PTPRD: variants seen among roughly 807,000 people sequenced by gnomAD.
PTPRD encodes protein tyrosine phosphatase receptor type D.
PTPRD carries 34 observed loss-of-function variants against 214.5 expected under a neutral mutation model. The observed-to-expected ratio is 0.16, with a 90% CI of 0.12 to 0.21. PTPRD has a LOEUF of 0.21. PTPRD is among the 10% of genes least tolerant of loss of function. The probability of loss-of-function intolerance (pLI) is 1.00; values close to 1 mark genes in which losing one functional copy is unlikely to be tolerated. For missense variants in PTPRD, 2,545 were observed against 2,398.7 expected (o/e 1.06, Z -1.27); for synonymous variants, 1,128 against 845.7 (o/e 1.33, Z -5.79).
chr9:9,871,945 GACAA>G (rs968509970), intron 5 of PTPRD, among the ~76,000 whole-genome samples: 1 of 147,738 alleles, frequency 6.8e-6, no homozygotes, highest in Non-Finnish European at 1.5e-5. Context: ...ACAATTGCCA[GACAA>G]ACAACTAAAC....
intron 10 of PTPRD, among the ~76,000 whole-genome samples, chr9:9,165,655 A>T (rs540580861): frequency 1.1e-4 from 16 of 152,162 alleles, no homozygotes; most frequent in South Asian, 2.1e-4. Flanking sequence ...GTCAACTATG[A>T]CTCTGTACAT....
intron 16 of PTPRD, 108 bp downstream of exon 16, chr9:8,527,237 C>A: frequency 2.5e-6 from 3 of 1,196,914 alleles, no homozygotes; most frequent in Non-Finnish European, 2.4e-6. Flanking sequence ...CTGGTGTCTA[C>A]ACTGACAGTT....
chr9:10,486,854 T>G (rs34941620), intron 2 of PTPRD, among the ~76,000 whole-genome samples: 21,371 of 152,162 alleles, frequency 0.14, 1,988 homozygotes, highest in Non-Finnish European at 0.21. Flanking sequence ...TTGATGTTTC[T>G]TCATTGATTT....
intron 6 of PTPRD, among the ~76,000 whole-genome samples, chr9:9,762,370 C>T (rs1380188134): frequency 6.6e-6 from 1 of 152,190 alleles, no homozygotes; most frequent in Non-Finnish European, 1.5e-5. Flanking sequence ...TCTTGGTGTT[C>T]TCTTCAGAGT....
At chr9:8,523,122 G>A (rs1409287367) in intron 19 of PTPRD, among the ~76,000 whole-genome samples, 1 of 152,108 alleles carries the variant, frequency 6.6e-6, no homozygotes, top group Non-Finnish European at 1.5e-5. Flanking sequence ...AAATGGAGGA[G>A]AGTTTAGTCT....
chr9:9,034,217 A>T (rs901059446), intron 10 of PTPRD, among the ~76,000 whole-genome samples: 31 of 152,260 alleles, frequency 2.0e-4, no homozygotes, highest in African/African-American at 7.2e-4. Context: ...AGTAGAATAT[A>T]GGTGAATCCT....
intron 9 of PTPRD, among the ~76,000 whole-genome samples, chr9:9,362,375 T>G (rs1049214610): frequency 1.3e-5 from 2 of 151,132 alleles, no homozygotes; most frequent in African/African-American, 4.8e-5. Context: ...CCTCATACTT[T>G]GTTAAGGGAA....
intron 3 of PTPRD, among the ~76,000 whole-genome samples, chr9:10,256,420 G>A (rs1216317151): frequency 1.3e-5 from 2 of 149,900 alleles, no homozygotes; most frequent in African/African-American, 5.0e-5. Context: ...ATAAGTAGGA[G>A]TACACTCTAA....
At chr9:8,376,163 G>A (rs1432937501) in intron 38 of PTPRD, 73 bp from the exon 39 acceptor site, 2 of 1,545,176 alleles carry the variant, frequency 1.3e-6, no homozygotes, top group Non-Finnish European at 1.8e-6. Context: ...ACAGGGAAGA[G>A]GTAATGCTAA....
chr9:8,478,926 G>C (rs1201453982), intron 30 of PTPRD, among the ~76,000 whole-genome samples: 1 of 152,160 alleles, frequency 6.6e-6, no homozygotes, highest in Non-Finnish European at 1.5e-5. Flanking sequence ...TGTTGGTCAA[G>C]AAAACAGGTG....
chr9:10,221,018 C>T (rs765905453), intron 3 of PTPRD, among the ~76,000 whole-genome samples: 29 of 151,822 alleles, frequency 1.9e-4, no homozygotes, highest in Non-Finnish European at 1.6e-4. Flanking sequence ...GAAGAATCCC[C>T]CGAGGAAGAA....
At chr9:8,428,970 C>T (rs534491713) in intron 35 of PTPRD, among the ~76,000 whole-genome samples, 3 of 152,138 alleles carry the variant, frequency 2.0e-5, no homozygotes, top group Non-Finnish European at 2.9e-5. Flanking sequence ...AGATGACAGA[C>T]AATTTTTGTC....
At chr9:8,848,481 G>A (rs1017346922) in intron 11 of PTPRD, among the ~76,000 whole-genome samples, 9 of 147,948 alleles carry the variant, frequency 6.1e-5, no homozygotes, top group Non-Finnish European at 1.2e-4. Flanking sequence ...GACCACAAGT[G>A]CACACCACCG....
chr9:10,576,546 A>G (rs2069414297), intron 2 of PTPRD, among the ~76,000 whole-genome samples: 2 of 152,148 alleles, frequency 1.3e-5, no homozygotes. Flanking sequence ...AAGACATTAG[A>G]GCATGGCGGA....
At chr9:10,117,347 A>G (rs1186677648) in intron 3 of PTPRD, among the ~76,000 whole-genome samples, 2 of 152,120 alleles carry the variant, frequency 1.3e-5, no homozygotes, top group African/African-American at 4.8e-5. Flanking sequence ...GAAAGTGTCT[A>G]TGGACAATGT....
intron 43 of PTPRD, among the ~76,000 whole-genome samples, chr9:8,335,820 G>C (rs1332698602): frequency 6.6e-6 from 1 of 152,132 alleles, no homozygotes; most frequent in Non-Finnish European, 1.5e-5. Flanking sequence ...ATGTGCAAAA[G>C]TCACAAGCAC....
intron 2 of PTPRD, among the ~76,000 whole-genome samples, chr9:10,482,407 AATC>A (rs2099106592): frequency 6.6e-6 from 1 of 151,768 alleles, no homozygotes; most frequent in Non-Finnish European, 1.5e-5. Flanking sequence ...TAAATAAATC[AATC>A]AATAATATTA....
intron 6 of PTPRD, among the ~76,000 whole-genome samples, chr9:9,740,026 A>G (rs1182250975): frequency 3.9e-5 from 6 of 152,178 alleles, no homozygotes; most frequent in South Asian, 4.1e-4. Flanking sequence ...CACTTACTCT[A>G]TGTAATCTCA....
At chr9:10,229,901 A>T (rs79461191) in intron 3 of PTPRD, among the ~76,000 whole-genome samples, 1 of 151,892 alleles carries the variant, frequency 6.6e-6, no homozygotes, top group Non-Finnish European at 1.5e-5. Context: ...TAAGACAAAG[A>T]TCCTTTTTAA....
Sources: gnomAD v4.1 joint callset for allele counts (sites outside exome capture counted in the v4.1 genomes callset) on GRCh38, gnomAD v4.1.1 for gene constraint, MANE v1.5 for transcripts, NCBI Gene and HGNC (gene_info 2026-07-23, HGNC 2026-07-21) for gene names.